CBFA2T2: variants seen among roughly 807,000 people sequenced by gnomAD.
The protein encoded by CBFA2T2 is CBFA2/RUNX1 partner transcriptional co-repressor 2.
In CBFA2T2, 11 loss-of-function variants were observed where a neutral mutation model predicts 62.2. That is an observed-to-expected ratio of 0.18 (90% CI 0.11 to 0.29). The LOEUF (loss-of-function observed/expected upper bound fraction) is 0.29. CBFA2T2 is among the 10% of genes least tolerant of loss of function. The pLI, the probability that CBFA2T2 is intolerant of heterozygous loss-of-function variation, is 1.00. For missense variants in CBFA2T2, 592 were observed against 774.1 expected (o/e 0.76, Z 2.79); for synonymous variants, 295 against 287.5 (o/e 1.03, Z -0.27).
intron 7 of CBFA2T2, among the ~76,000 whole-genome samples, chr20:33,628,965 G>A (rs2016350744): frequency 6.6e-6 from 1 of 152,266 alleles, no homozygotes; most frequent in Admixed American, 6.5e-5. Flanking sequence ...TAGTATAATG[G>A]TTAACAACAA....
chr20:33,539,528 G>C (rs987300128), intron 1 of CBFA2T2, among the ~76,000 whole-genome samples: 1 of 152,018 alleles, frequency 6.6e-6, no homozygotes, highest in African/African-American at 2.4e-5. Flanking sequence ...TTAGGGACTG[G>C]GAGTATATCT....
chr20:33,607,919 C>T lies in CBFA2T2; in HGVS notation c.178+820C>T, dbSNP rs149096514. Reference sequence around the variant, plus strand: ...GTAACAATATATTCAACTTCACTAACCATCAAGGAAATGCAAACTAACACC... The same window carrying T: ...GTAACAATATATTCAACTTCACTAATCATCAAGGAAATGCAAACTAACACC... On this transcript the variant is annotated intron_variant, in intron 2 of 10. Transcript: ENST00000342704. Among the ~76,000 whole-genome samples, 193 of 152,260 alleles carry T rather than the reference C, an allele frequency of 1.3e-3. 1 individual carries two copies. The highest frequency in any genetic ancestry group is 3.1e-3 in the Admixed American group (47 of 15,288).
Position 33,607,113 on chromosome 20 carries a change from GTTAC to G in CBFA2T2, c.178+18_178+21del. ...CTCCTACTGCATGTGAGACCTCTTA[GTTAC>G]TTATGTTTGTAGTTCAGAGTGACAT... is the stretch of plus-strand genomic sequence containing the variant. On this transcript the variant is annotated intron_variant, in intron 2 of 10. Transcript: ENST00000342704. 1 of 1,609,646 alleles carries G rather than the reference GTTAC, an allele frequency of 6.2e-7. No individual in the cohort carries two copies. Among genetic ancestry groups the G allele is most frequent in the East Asian group, 2.2e-5 (1 of 44,764 alleles).
chr20:33,528,557 C>T (rs1308774831), intron 1 of CBFA2T2, among the ~76,000 whole-genome samples: 1 of 152,168 alleles, frequency 6.6e-6, no homozygotes, highest in African/African-American at 2.4e-5. Context: ...TGACTGAAGT[C>T]TCAGTTATAT....
At chr20:33,542,439 A>T (rs1465302167) in intron 1 of CBFA2T2, among the ~76,000 whole-genome samples, 1 of 151,216 alleles carries the variant, frequency 6.6e-6, no homozygotes, top group East Asian at 1.9e-4. Flanking sequence ...TTAGTTTTAA[A>T]TTTTTTTTTA....
At chr20:33,523,321 C>T (rs1240757736) in intron 1 of CBFA2T2, among the ~76,000 whole-genome samples, 1 of 151,762 alleles carries the variant, frequency 6.6e-6, no homozygotes, top group African/African-American at 2.4e-5. Context: ...GCTGTGTTGC[C>T]CAGGCTGGAG....
intron 1 of CBFA2T2, among the ~76,000 whole-genome samples, chr20:33,533,740 G>A (rs986717261): frequency 6.6e-6 from 1 of 152,130 alleles, no homozygotes; most frequent in African/African-American, 2.4e-5. Flanking sequence ...TTGTGAGGCT[G>A]AGGTGGGCGG....
chr20:33,491,408 CTAAG>C (rs1749468037), intron 1 of CBFA2T2, among the ~76,000 whole-genome samples: 2 of 152,048 alleles, frequency 1.3e-5, no homozygotes, highest in Admixed American at 1.3e-4. Context: ...TGATGACATC[CTAAG>C]TAAGACATTA....
chr20:33,551,816 G>A (rs530043854), intron 1 of CBFA2T2, among the ~76,000 whole-genome samples: 17 of 152,326 alleles, frequency 1.1e-4, no homozygotes, highest in Non-Finnish European at 2.4e-4. Flanking sequence ...ACAGGTGTGA[G>A]TCACTTCTCC....
At chr20:33,569,883 A>T (rs1157378569) in intron 1 of CBFA2T2, among the ~76,000 whole-genome samples, 2 of 152,000 alleles carry the variant, frequency 1.3e-5, no homozygotes, top group Non-Finnish European at 2.9e-5. Context: ...TTTATATTCT[A>T]TTTATTTTGG....
At chr20:33,565,361 A>G (rs907415467) in intron 1 of CBFA2T2, among the ~76,000 whole-genome samples, 3 of 152,212 alleles carry the variant, frequency 2.0e-5, no homozygotes, top group Admixed American at 6.5e-5. Context: ...CTGAATTCAC[A>G]TGGTACTCCT....
rs774645939 is a variant in CBFA2T2, at chr20:33,636,645, C to G, written c.1234C>G (p.Gln412Glu). 24 of 1,612,994 alleles carry G rather than the reference C, an allele frequency of 1.5e-5. No individual in the cohort carries two copies. Among genetic ancestry groups the G allele is most frequent in the Non-Finnish European group, 2.0e-5 (24 of 1,179,174 alleles). ...TTTTTATGTCTCTTCTGCAGATTCTCAGAGAGAGTTCAACAGCAGGCCAGG... is the reference window on the plus strand; with the variant it reads ...TTTTTATGTCTCTTCTGCAGATTCTGAGAGAGAGTTCAACAGCAGGCCAGG... The part of the protein sequence containing the change: ...GSADSLSNDS[Q>E]REFNSRPGTG... Residue 412 changes from glutamine to glutamate, a missense_variant, in exon 9 of 11, where the codon CAG (glutamine) becomes GAG (glutamate). Coordinates refer to ENST00000342704, the MANE Select transcript of CBFA2T2 (RefSeq NM_001032999.3).
intron 4 of CBFA2T2, among the ~76,000 whole-genome samples, chr20:33,620,882 T>C (rs1025105136): frequency 3.3e-5 from 5 of 152,182 alleles, no homozygotes; most frequent in Admixed American, 6.6e-5. Context: ...AATACAGGTA[T>C]CAAATCAGGA....
At chr20:33,508,389 C>G (rs1282501641) in intron 1 of CBFA2T2, among the ~76,000 whole-genome samples, 1 of 152,046 alleles carries the variant, frequency 6.6e-6, no homozygotes, top group Non-Finnish European at 1.5e-5. Flanking sequence ...GCTACTGCAC[C>G]CCGCCTGCCT....
intron 5 of CBFA2T2, chr20:33,623,954 G>GA (rs761906454): frequency 0.098 from 28,823 of 294,994 alleles, 3 homozygotes; most frequent in Non-Finnish European, 0.11. Flanking sequence ...GAAAGAATTG[G>GA]AAAAAAAAAA....
rs139248203 is a variant in CBFA2T2, at chr20:33,583,904, A to G, written c.35-23052A>G. Among the ~76,000 whole-genome samples the G allele has an allele frequency of 6.2e-3, 950 of 152,138 alleles. 16 individuals are homozygous for G. The highest frequency in any genetic ancestry group is 0.022 in the African/African-American group (913 of 41,516). On this transcript the variant is annotated intron_variant, in intron 1 of 10. Transcript: ENST00000342704. Reference sequence around the variant, plus strand: ...TACCTTCACCATTGTCATTTGGTTTAAGTGATTTTATTTATTTATTTATTT... The same window carrying G: ...TACCTTCACCATTGTCATTTGGTTTGAGTGATTTTATTTATTTATTTATTT...
chr20:33,535,608 A>C (rs201706159), intron 1 of CBFA2T2, among the ~76,000 whole-genome samples: 27 of 135,134 alleles, frequency 2.0e-4, no homozygotes, highest in African/African-American at 7.3e-4. Flanking sequence ...TTTTATTTTT[A>C]TTTTTTTATT....
intron 1 of CBFA2T2, among the ~76,000 whole-genome samples, chr20:33,493,189 C>T (rs1485853384): frequency 2.0e-5 from 3 of 150,928 alleles, no homozygotes; most frequent in Non-Finnish European, 4.4e-5. Context: ...AGTTCTCCTG[C>T]CTCAGCTTCC....
chr20:33,521,069 G>A (rs562276682), intron 1 of CBFA2T2, among the ~76,000 whole-genome samples: 5 of 150,006 alleles, frequency 3.3e-5, no homozygotes, highest in African/African-American at 9.8e-5. Context: ...GACATTTCTC[G>A]GAGGATTTAA....
Sources: allele counts gnomAD v4.1 joint callset (sites outside exome capture counted in the v4.1 genomes callset), GRCh38; gene constraint gnomAD v4.1.1; transcripts MANE v1.5; gene names NCBI Gene and HGNC (gene_info 2026-07-23, HGNC 2026-07-21).